The following PAK1 variants were observed in gnomAD, a reference collection of about 807,000 sequenced individuals.
The protein encoded by PAK1 is serine/threonine-protein kinase PAK 1.
In PAK1, 29 loss-of-function variants were observed where a neutral mutation model predicts 67.4. The observed-to-expected ratio is 0.43, with a 90% CI of 0.32 to 0.59. PAK1 has a LOEUF of 0.59. Among genes scored for constraint, PAK1 ranks in the 20% least tolerant of loss-of-function variants. The probability of loss-of-function intolerance (pLI) is 0.07; values close to 1 mark genes in which losing one functional copy is unlikely to be tolerated. For missense variants in PAK1, 337 were observed against 670.7 expected (o/e 0.50, Z 5.50); for synonymous variants, 223 against 237.4 (o/e 0.94, Z 0.56).
At chr11:77,381,332 T>A (rs956406948) in intron 2 of PAK1, among the ~76,000 whole-genome samples, 6 of 152,322 alleles carry the variant, frequency 3.9e-5, no homozygotes, top group African/African-American at 1.4e-4. Flanking sequence ...GCAGTTAAGA[T>A]TCCTTCCTGA....
intron 1 of PAK1, among the ~76,000 whole-genome samples, chr11:77,422,785 T>C (rs1462314906): frequency 6.6e-6 from 1 of 152,188 alleles, no homozygotes; most frequent in Non-Finnish European, 1.5e-5. Context: ...AATTATAAAA[T>C]AGAACACAGG....
At chr11:77,342,399 G>A (rs1313052979) in intron 10 of PAK1, among the ~76,000 whole-genome samples, 5 of 152,040 alleles carry the variant, frequency 3.3e-5, no homozygotes, top group South Asian at 2.1e-4. Context: ...CAATAACATC[G>A]TTTTATCATG....
intron 2 of PAK1, among the ~76,000 whole-genome samples, chr11:77,386,520 G>T (rs1343007920): frequency 6.6e-6 from 1 of 152,038 alleles, no homozygotes; most frequent in Non-Finnish European, 1.5e-5. Context: ...CCTATTACAG[G>T]CCCTCAATTA....
the PAK1 span, among the ~76,000 whole-genome samples, chr11:77,490,266 C>T: frequency 1.3e-5 from 2 of 149,132 alleles, no homozygotes; most frequent in Non-Finnish European, 3.0e-5. Context: ...CCAGCCGCCC[C>T]GTCTCAGAGG....
At chr11:77,489,249 A>C in the PAK1 span, among the ~76,000 whole-genome samples, 1 of 152,230 alleles carries the variant, frequency 6.6e-6, no homozygotes, top group Non-Finnish European at 1.5e-5. Context: ...CAAAATAGCC[A>C]GACAAACAAA....
At chr11:77,339,202 G>T (rs1943201131) in intron 11 of PAK1, among the ~76,000 whole-genome samples, 1 of 151,908 alleles carries the variant, frequency 6.6e-6, no homozygotes, top group Non-Finnish European at 1.5e-5. Flanking sequence ...CACCCCTAAG[G>T]TATATATAGT....
At chr11:77,457,390 T>C (rs979871509) in intron 1 of PAK1, among the ~76,000 whole-genome samples, 4 of 152,206 alleles carry the variant, frequency 2.6e-5, no homozygotes, top group African/African-American at 9.7e-5. Context: ...TGAAAAGATA[T>C]TCAGGTGCCT....
intron 1 of PAK1, among the ~76,000 whole-genome samples, chr11:77,400,073 T>C (rs1952460545): frequency 6.6e-6 from 1 of 152,078 alleles, no homozygotes; most frequent in African/African-American, 2.4e-5. Flanking sequence ...CATTAATGCT[T>C]GAACTCTACC....
At chr11:77,354,604 CAAG>C (rs1212975533) in intron 7 of PAK1, among the ~76,000 whole-genome samples, 2 of 152,090 alleles carry the variant, frequency 1.3e-5, no homozygotes, top group African/African-American at 4.8e-5. Context: ...GTTTAGAGAA[CAAG>C]ACTACATACA....
chr11:77,347,645 C>G (rs745953832), intron 9 of PAK1, among the ~76,000 whole-genome samples: 124 of 152,160 alleles, frequency 8.1e-4, no homozygotes, highest in Non-Finnish European at 1.1e-3. Flanking sequence ...TATATGTACA[C>G]AAAGGAAATT....
At chr11:77,410,553 T>C (rs1290640049) in intron 1 of PAK1, among the ~76,000 whole-genome samples, 1 of 151,618 alleles carries the variant, frequency 6.6e-6, no homozygotes, top group African/African-American at 2.4e-5. Flanking sequence ...TAACCAAAAA[T>C]TTTAGAAAAG....
rs1264494401 is a variant in PAK1, at chr11:77,364,798, A to G, written c.478-5781T>C. On this transcript the variant is annotated intron_variant, in intron 5 of 14. Coordinates refer to ENST00000356341, the MANE Select transcript of PAK1 (RefSeq NM_002576.5). Reference sequence around the variant, plus strand: ...CAAAAAACTAAAAGAAACCATGTTTAAAGAGTTTTAAGAAAGCCTAACAAC... The same window carrying G: ...CAAAAAACTAAAAGAAACCATGTTTGAAGAGTTTTAAGAAAGCCTAACAAC... 2.6e-5 allele frequency among the ~76,000 whole-genome samples: 4 copies of G among 152,246 alleles called. 1 individual carries two copies. The highest frequency in any genetic ancestry group is 9.6e-5 in the African/African-American group (4 of 41,464).
At chr11:77,488,489 C>A in the PAK1 span, among the ~76,000 whole-genome samples, 1 of 152,100 alleles carries the variant, frequency 6.6e-6, no homozygotes, top group Non-Finnish European at 1.5e-5. Context: ...AGATATGTGA[C>A]CTTTCAGAAG....
chr11:77,332,367 A>AGGGGAGG (rs1565577662), intron 14 of PAK1, among the ~76,000 whole-genome samples: 1 of 42 alleles, frequency 0.024, no homozygotes, highest in Non-Finnish European at 0.038. Context: ...GGGAAGGGAA[A>AGGGGAGG]GGAAGGGAAG....
intron 1 of PAK1, among the ~76,000 whole-genome samples, chr11:77,396,672 C>T (rs1420304821): frequency 6.6e-6 from 1 of 152,350 alleles, no homozygotes; most frequent in Non-Finnish European, 1.5e-5. Flanking sequence ...ACCTGAAATA[C>T]TCTTTTGAGA....
chr11:77,388,956 T>C (rs1950791957), intron 2 of PAK1, among the ~76,000 whole-genome samples: 1 of 152,188 alleles, frequency 6.6e-6, no homozygotes, highest in Non-Finnish European at 1.5e-5. Flanking sequence ...AATTCACCCA[T>C]GAAGTGTAAA....
At chr11:77,330,684 A>G (rs937754726) in intron 14 of PAK1, among the ~76,000 whole-genome samples, 12 of 152,238 alleles carry the variant, frequency 7.9e-5, no homozygotes, top group African/African-American at 2.9e-4. Context: ...TAAAAACCCT[A>G]GAAGAAAACC....
rs1555167119 is a variant in PAK1, at chr11:77,405,674, GACACAC to G, written c.-21-13139_-21-13134del. Among the ~76,000 whole-genome samples the G allele has an allele frequency of 9.1e-3, 1,148 of 125,972 alleles. 9 individuals carry two copies. Among genetic ancestry groups the G allele is most frequent in the African/African-American group, 0.011 (418 of 37,028 alleles). The allele number at this position is 125,972 out of a possible 152,430, so 82.6% of individuals were successfully genotyped here. ...TCAAAGACAGACAGACAGACAGACA[GACACAC>G]ACACACACACACACACACACACACA... is the stretch of plus-strand genomic sequence containing the variant. On this transcript the variant is annotated intron_variant, in intron 1 of 14. Transcript: ENST00000356341.
intron 2 of PAK1, among the ~76,000 whole-genome samples, chr11:77,382,640 A>C (rs1793013480): frequency 6.6e-6 from 1 of 152,172 alleles, no homozygotes; most frequent in Non-Finnish European, 1.5e-5. Context: ...TTCCAATTAC[A>C]ATCCCTGTAC....
Sources: allele counts gnomAD v4.1 joint callset (sites outside exome capture counted in the v4.1 genomes callset), GRCh38; gene constraint gnomAD v4.1.1; transcripts MANE v1.5; gene names NCBI Gene and HGNC (gene_info 2026-07-23, HGNC 2026-07-21).